Variants in TBXAS1 observed in about 807,000 individuals in gnomAD.
TBXAS1 encodes thromboxane A synthase 1.
Under a neutral mutation model 60.7 loss-of-function variants are expected in TBXAS1, and 48 were observed. That is an observed-to-expected ratio of 0.79 (90% CI 0.63 to 1.01). The LOEUF is 1.01. Among genes scored for constraint, TBXAS1 ranks in the 50% least tolerant of loss-of-function variants. The probability of loss-of-function intolerance (pLI) is 0.00; values close to 1 mark genes in which losing one functional copy is unlikely to be tolerated. For synonymous variants in TBXAS1, 287 were observed against 269.7 expected (o/e 1.06, Z -0.63); for missense variants, 685 against 686.3 (o/e 1.00, Z 0.02).
intron 5 of TBXAS1, among the ~76,000 whole-genome samples, chr7:139,938,863 G>A (rs888935151): frequency 6.6e-6 from 1 of 152,146 alleles, no homozygotes; most frequent in African/African-American, 2.4e-5. Flanking sequence ...AGCAGTCCTG[G>A]GCTATGATTC....
At chr7:139,865,746 A>AGAG (rs1671575809) in intron 1 of TBXAS1, among the ~76,000 whole-genome samples, 2 of 58,720 alleles carry the variant, frequency 3.4e-5, no homozygotes, top group Non-Finnish European at 7.0e-5. Context: ...AGGAGGAGGA[A>AGAG]GAGGAGGAGG....
chr7:139,851,523 T>C (rs554352937), intron 1 of TBXAS1, among the ~76,000 whole-genome samples: 54 of 152,376 alleles, frequency 3.5e-4, no homozygotes, highest in African/African-American at 1.2e-3. Flanking sequence ...GAAGTTTCCC[T>C]GATTTTTCTT....
At chr7:139,989,229 G>C (rs778875389) in intron 9 of TBXAS1, among the ~76,000 whole-genome samples, 1 of 152,170 alleles carries the variant, frequency 6.6e-6, no homozygotes. Flanking sequence ...GTTTTTGAGC[G>C]ACTGCTCTTT....
At chr7:139,801,068 A>G (rs1797710868) in intron 4 of TBXAS1, among the ~76,000 whole-genome samples, 1 of 152,240 alleles carries the variant, frequency 6.6e-6, no homozygotes, top group Admixed American at 6.5e-5. Context: ...TTTACTAGGG[A>G]TGACATTAAC....
chr7:139,783,087 A>G (rs182417400), intron 3 of TBXAS1, among the ~76,000 whole-genome samples: 2 of 152,342 alleles, frequency 1.3e-5, no homozygotes, highest in Admixed American at 6.5e-5. Context: ...AGAGAATTTA[A>G]AAGAGTAGAC....
intron 3 of TBXAS1, among the ~76,000 whole-genome samples, chr7:139,877,498 C>CCAGTCTATTGCTTTT (rs1391313633): frequency 2.0e-5 from 3 of 151,418 alleles, no homozygotes; most frequent in Admixed American, 6.6e-5. Flanking sequence ...TCTCAGCTCA[C>CCAGTCTATTGCTTTT]TGCAACCTCT....
chr7:140,019,410 C>A (rs143877147), intron 12 of TBXAS1, among the ~76,000 whole-genome samples: 1 of 152,290 alleles, frequency 6.6e-6, no homozygotes, highest in Non-Finnish European at 1.5e-5. Flanking sequence ...TCTCCCAAAA[C>A]GCTGCTTATG....
At chr7:139,805,660 C>CTCTTTCTTTCTTTCTT (rs755258646) in intron 4 of TBXAS1, among the ~76,000 whole-genome samples, 22 of 101,470 alleles carry the variant, frequency 2.2e-4, no homozygotes, top group Admixed American at 6.7e-4. Flanking sequence ...CCTTCTTTTT[C>CTCTTTCTTTCTTTCTT]TCTTTCTTTC....
At chr7:139,989,938 C>G (rs1344530511) in intron 9 of TBXAS1, among the ~76,000 whole-genome samples, 1 of 152,186 alleles carries the variant, frequency 6.6e-6, no homozygotes, top group East Asian at 1.9e-4. Context: ...GTTTTAGAAT[C>G]AAGCCGACTT....
chr7:139,962,085 A>T lies in TBXAS1; in HGVS notation c.986A>T (p.Asp329Val). ...PSPMARPLTV[D>V]EIVGQAFIFL... ...CCTATGGCCAGGCCTTTGACTGTGG[A>T]TGAGATTGTGGGCCAGGCCTTCATC... Residue 329 changes from aspartate to valine, a missense_variant, in exon 9 of 13, where the codon GAT (aspartate) becomes GTT (valine). Transcript: ENST00000448866. 3 of 1,614,176 alleles carry T rather than the reference A, an allele frequency of 1.9e-6. No individual in the cohort carries two copies. Among genetic ancestry groups the T allele is most frequent in the Non-Finnish European group, 2.5e-6 (3 of 1,180,020 alleles).
At chr7:139,805,702 CTTTCTT>C (rs756103060) in intron 4 of TBXAS1, among the ~76,000 whole-genome samples, 484 of 42,452 alleles carry the variant, frequency 0.011, 1 homozygote, top group East Asian at 0.017. Flanking sequence ...TTCTTTCTTT[CTTTCTT>C]TCTTTCTCTC....
chr7:139,911,225 G>C lies in TBXAS1; in HGVS notation c.237G>C (p.Gly79=). 6.2e-7 allele frequency: 1 copy of C among 1,613,970 alleles called. No homozygotes were observed. Among genetic ancestry groups the C allele is most frequent in the Non-Finnish European group, 8.5e-7 (1 of 1,179,874 alleles). Residue 79 remains glycine, a splice_region_variant and synonymous_variant, in exon 4 of 13, where the codon GGG becomes GGC. Coordinates refer to ENST00000448866, the MANE Select transcript of TBXAS1 (RefSeq NM_001061.7). Reference sequence around the variant, plus strand: ...TTAATGCATTTTTTATTCCTCCCAGGTACTATCTTGGTCGTCGGATGTTTA... The same window carrying C: ...TTAATGCATTTTTTATTCCTCCCAGCTACTATCTTGGTCGTCGGATGTTTA... ...ELRKLYGPLC[G]YYLGRRMFIV...
chr7:139,980,736 C>A (rs1306306966), intron 9 of TBXAS1, among the ~76,000 whole-genome samples: 1 of 151,802 alleles, frequency 6.6e-6, no homozygotes, highest in Non-Finnish European at 1.5e-5. Flanking sequence ...CCTGCCTTCC[C>A]CCCCTGTCAT....
chr7:139,827,876 C>T (rs1170036832), upstream of TBXAS1, among the ~76,000 whole-genome samples: 6 of 152,164 alleles, frequency 3.9e-5, no homozygotes, highest in Non-Finnish European at 7.4e-5. Context: ...TTTTCCTTTA[C>T]AGGTTACCTG....
rs71170921 is a variant in TBXAS1 at position 139,898,413 on chromosome 7, C to CTTTTTTTTTT, written c.237-12789_237-12780dup. Among the ~76,000 whole-genome samples the CTTTTTTTTTT allele has an allele frequency of 8.0e-4, 66 of 82,250 alleles. 6 individuals are homozygous for CTTTTTTTTTT. Among genetic ancestry groups the CTTTTTTTTTT allele is most frequent in the African/African-American group, 2.8e-3 (57 of 20,490 alleles). The allele number at this position is 82,250 out of a possible 152,430, so 54.0% of individuals were successfully genotyped here. A position where few individuals can be genotyped will look rare whatever the true frequency, so the allele number is the denominator to read the frequency against. On this transcript the variant is annotated intron_variant, in intron 3 of 12. Transcript: ENST00000448866. ...ATCAGAAGTTTCCCAACGTGCATGGCTTTTTTTTTTTTTTTTTTTTTTTTT... is the reference window on the plus strand; with the variant it reads ...ATCAGAAGTTTCCCAACGTGCATGGCTTTTTTTTTTTTTTTTTTTTTTTTTTTTTTTTTTT...
intron 9 of TBXAS1, among the ~76,000 whole-genome samples, chr7:139,973,597 G>T (rs1214183765): frequency 1.3e-5 from 2 of 150,624 alleles, no homozygotes; most frequent in African/African-American, 4.9e-5. Context: ...ACTGAATATG[G>T]CATGTGTGAA....
rs375421837 is a variant in TBXAS1 at position 139,925,098 on chromosome 7, CAGTT to C, written c.334-11092_334-11089del. Among the ~76,000 whole-genome samples the C allele has an allele frequency of 1.1e-3, 167 of 152,268 alleles. 1 individual carries two copies. Among genetic ancestry groups the C allele is most frequent in the African/African-American group, 3.8e-3 (156 of 41,546 alleles). On this transcript the variant is annotated intron_variant, in intron 4 of 12. Coordinates refer to ENST00000448866, the MANE Select transcript of TBXAS1 (RefSeq NM_001061.7). ...TAGAAGTCAAGGATTGTGATTCCTC[CAGTT>C]TTGTTCATTTTGCTCAGGATGGCTT... is the stretch of plus-strand genomic sequence containing the variant.
intron 9 of TBXAS1, among the ~76,000 whole-genome samples, chr7:139,993,408 G>A (rs1448980995): frequency 6.6e-6 from 1 of 152,180 alleles, no homozygotes; most frequent in Non-Finnish European, 1.5e-5. Flanking sequence ...CCAATTGTAA[G>A]CGAAGTCCCT....
At chr7:139,905,005 C>CTCTTTCTTTCTTTCTTTCTTTCTTTCTT (rs775007248) in intron 3 of TBXAS1, among the ~76,000 whole-genome samples, 2 of 90,420 alleles carry the variant, frequency 2.2e-5, no homozygotes, top group African/African-American at 4.5e-5. Flanking sequence ...CTCTCTTTCT[C>CTCTTTCTTTCTTTCTTTCTTTCTTTCTT]TCTTTCTTTC....
Sources: gnomAD v4.1 joint callset for allele counts (sites outside exome capture counted in the v4.1 genomes callset) on GRCh38, gnomAD v4.1.1 for gene constraint, MANE v1.5 for transcripts, NCBI Gene and HGNC (gene_info 2026-07-23, HGNC 2026-07-21) for gene names.